Variants in TRAF6 observed in about 807,000 individuals in gnomAD.
TRAF6 encodes TNF receptor associated factor 6.
TRAF6 carries 10 observed loss-of-function variants against 48.4 expected under a neutral mutation model. The observed-to-expected ratio is 0.21, with a 90% confidence interval of 0.13 to 0.35. TRAF6 has a LOEUF of 0.35. Among genes scored for constraint, TRAF6 ranks in the 10% least tolerant of loss-of-function variants. The pLI is 1.00. For missense variants in TRAF6, 397 were observed against 661.0 expected (o/e 0.60, Z 4.38); for synonymous variants, 186 against 219.6 (o/e 0.85, Z 1.35).
In TRAF6 at chr11:36,489,657, C is replaced by A; in HGVS notation, c.*181G>T. On this transcript the variant is annotated 3_prime_UTR_variant, in exon 7 of 7. Coordinates refer to ENST00000526995, the MANE Select transcript of TRAF6 (RefSeq NM_004620.4). Reference sequence around the variant, plus strand: ...GAAAAAGCATGGAACGTGTGGATTCCCAGGAAAAAACTGCCTCAGATCATT... The same window carrying A: ...GAAAAAGCATGGAACGTGTGGATTCACAGGAAAAAACTGCCTCAGATCATT... 1 of 704,470 alleles carries A rather than the reference C, an allele frequency of 1.4e-6. No individual in the cohort carries two copies. The highest frequency in any genetic ancestry group is 2.3e-6 in the Non-Finnish European group (1 of 427,768). 43.6% of individuals were successfully genotyped at this position (704,470 alleles called of 1,614,324 possible). A position where few individuals can be genotyped will look rare whatever the true frequency, so the allele number is the denominator to read the frequency against.
At chr11:36,505,903 A>G (rs540586157) in intron 1 of TRAF6, among the ~76,000 whole-genome samples, 233 of 152,308 alleles carry the variant, frequency 1.5e-3, no homozygotes, top group South Asian at 5.8e-3. Flanking sequence ...GAGCTCTCAC[A>G]TTTATTAAGT....
At chr11:36,503,369 A>T (rs1312697636) in intron 1 of TRAF6, among the ~76,000 whole-genome samples, 1 of 148,582 alleles carries the variant, frequency 6.7e-6, no homozygotes. Flanking sequence ...ATCTCGACTC[A>T]CTGCAACCCC....
chr11:36,502,072 G>C (rs184672647), intron 1 of TRAF6, among the ~76,000 whole-genome samples: 1 of 152,288 alleles, frequency 6.6e-6, no homozygotes, highest in Admixed American at 6.5e-5. Flanking sequence ...CTCAGTGCCA[G>C]GAAAAGCAGT....
chr11:36,507,865 C>CT (rs1025594952), intron 1 of TRAF6, among the ~76,000 whole-genome samples: 28 of 140,198 alleles, frequency 2.0e-4, no homozygotes, highest in East Asian at 4.1e-4. Context: ...TATACACACA[C>CT]TTTTTTTTTT....
intron 1 of TRAF6, among the ~76,000 whole-genome samples, chr11:36,506,852 C>T (rs1859791421): frequency 6.6e-6 from 1 of 152,082 alleles, no homozygotes; most frequent in African/African-American, 2.4e-5. Context: ...TATAGTTATC[C>T]TTTAAGTCCA....
chr11:36,501,478 C>T lies in TRAF6; in HGVS notation c.38G>A (p.Ser13Asn). The change falls in exon 2 of 7, where the codon AGC (serine) becomes AAC (asparagine). Residue 13 changes from serine to asparagine, a missense_variant. Physicochemically the swap from Ser to Asn is conservative, Grantham distance 46. Transcript: ENST00000526995. The stretch of plus-strand genomic sequence containing the variant: ...CACACAGCAGTCACTTTCAGACTGG[C>T]TGGATCCACAGCTGTTTTCACAGTT... ...LLNCENSCGSSQSESDCCVAM... is the reference protein window; with the variant it reads ...LLNCENSCGSNQSESDCCVAM... The T allele has an allele frequency of 6.2e-7, 1 of 1,612,230 alleles. No individual in the cohort carries two copies. Among genetic ancestry groups the T allele is most frequent in the Non-Finnish European group, 8.5e-7 (1 of 1,178,614 alleles).
At chr11:36,497,980 T>G (rs1009922607) in intron 3 of TRAF6, among the ~76,000 whole-genome samples, 2 of 151,270 alleles carry the variant, frequency 1.3e-5, no homozygotes, top group African/African-American at 2.4e-5. Context: ...TACCTCCTGG[T>G]TTCAAGTGAT....
chr11:36,494,468 C>G (rs1464534023), intron 5 of TRAF6, among the ~76,000 whole-genome samples: 1 of 152,250 alleles, frequency 6.6e-6, no homozygotes, highest in East Asian at 1.9e-4. Context: ...AACAGAAGGG[C>G]TACAGGTCCT....
intron 1 of TRAF6, among the ~76,000 whole-genome samples, chr11:36,509,456 C>T (rs1859868774): frequency 1.3e-5 from 2 of 151,512 alleles, no homozygotes; most frequent in Non-Finnish European, 2.9e-5. Context: ...CTGCCTGAGA[C>T]TTCTATAGAG....
chr11:36,503,074 G>A (rs1450231391), intron 1 of TRAF6, among the ~76,000 whole-genome samples: 1 of 152,170 alleles, frequency 6.6e-6, no homozygotes. Flanking sequence ...CAGAACCCAC[G>A]TCTACCTGAC....
intron 2 of TRAF6, among the ~76,000 whole-genome samples, 153 bp downstream of exon 2, chr11:36,501,067 A>C (rs1859709041): frequency 6.6e-6 from 1 of 152,174 alleles, no homozygotes; most frequent in African/African-American, 2.4e-5. Flanking sequence ...CTGGGATAAG[A>C]ATCTAACTTT....
intron 3 of TRAF6, 139 bp downstream of exon 3, chr11:36,498,351 G>T: frequency 1.6e-6 from 1 of 642,256 alleles, no homozygotes; most frequent in Non-Finnish European, 2.5e-6. Context: ...TTAAAGGGTT[G>T]GCATTAATTC....
intron 1 of TRAF6, among the ~76,000 whole-genome samples, chr11:36,508,113 GA>G (rs1409547566): frequency 2.6e-5 from 4 of 151,954 alleles, no homozygotes; most frequent in Non-Finnish European, 4.4e-5. Flanking sequence ...GAAGTGCTGG[GA>G]TTACAGGCAT....
chr11:36,492,360 G>A (rs1043864036), intron 6 of TRAF6, among the ~76,000 whole-genome samples, 191 bp downstream of exon 6: 10 of 152,158 alleles, frequency 6.6e-5, no homozygotes, highest in African/African-American at 2.2e-4. Flanking sequence ...GTTTTGTCAA[G>A]TCTGTCTGAA....
At position 36,490,358 on chromosome 11, in the gene TRAF6, T is replaced by C. The variant is rs766148455; in HGVS notation, c.1049A>G (p.Asn350Ser). 4.8e-5 allele frequency: 77 copies of C among 1,614,092 alleles called. No homozygotes were observed. The highest frequency in any genetic ancestry group is 6.4e-5 in the Non-Finnish European group (76 of 1,180,050). Residue 350 changes from asparagine to serine, a missense_variant, in exon 7 of 7, where the codon AAT (asparagine) becomes AGT (serine). Coordinates refer to ENST00000526995, the MANE Select transcript of TRAF6 (RefSeq NM_004620.4). The surrounding 1 kb of genome is among the most constrained non-coding windows in gnomAD (Gnocchi z 6.4). ...KVAEIEAQQCNGIYIWKIGNF... is the reference protein window; with the variant it reads ...KVAEIEAQQCSGIYIWKIGNF... ...GCCAATCTTCCAAATATAAATTCCA[T>C]TGCACTGCTGTGCTTCGATTTCAGC...
rs1223788445 is a variant in TRAF6, at chr11:36,492,566, A to G, written c.741T>C (p.Phe247=). 5.6e-6 allele frequency: 9 copies of G among 1,608,380 alleles called. No individual in the cohort carries two copies. The highest frequency in any genetic ancestry group is 1.1e-5 in the South Asian group (1 of 89,056). Residue 247 remains phenylalanine, a synonymous_variant, in exon 6 of 7, where the codon TTT becomes TTC. Coordinates refer to ENST00000526995, the MANE Select transcript of TRAF6 (RefSeq NM_004620.4). ...TAPIPCTFST[F]GCHEKMQRNH... The stretch of plus-strand genomic sequence containing the variant: ...AAAACCTTACCTTTTCATGGCAACC[A>G]AAAGTACTGAATGTGCATGGAATTG...
intron 6 of TRAF6, among the ~76,000 whole-genome samples, chr11:36,491,326 G>C (rs1859560960): frequency 6.6e-6 from 1 of 151,970 alleles, no homozygotes; most frequent in Admixed American, 6.6e-5. Flanking sequence ...AGGTCATATA[G>C]TCTTTAAAAA....
rs187553812 is a variant in TRAF6 at position 36,503,484 on chromosome 11, T to C, written c.-22-1947A>G. 5.9e-5 allele frequency among the ~76,000 whole-genome samples: 9 copies of C among 152,252 alleles called. No homozygotes were observed. In the East Asian group the frequency reaches 9.7e-4, roughly 16 times the overall value. Reference sequence around the variant, plus strand: ...GTTTAGTAGAGACGGGGTTTTGCCATGTTGGCCAGGCTGGTCTGGAACTCC... The same window carrying C: ...GTTTAGTAGAGACGGGGTTTTGCCACGTTGGCCAGGCTGGTCTGGAACTCC... On this transcript the variant is annotated intron_variant, in intron 1 of 6. Transcript: ENST00000526995.
chr11:36,503,578 G>C (rs5030499), intron 1 of TRAF6, among the ~76,000 whole-genome samples: 1 of 152,054 alleles, frequency 6.6e-6, no homozygotes, highest in Non-Finnish European at 1.5e-5. Flanking sequence ...CCCCGAGCCC[G>C]GCTGTGGTTT....
Sources: gnomAD v4.1 joint callset for allele counts (sites outside exome capture counted in the v4.1 genomes callset) on GRCh38, gnomAD v4.1.1 for gene constraint, Gnocchi (gnomAD v3.1) non-coding constraint, MANE v1.5 for transcripts, NCBI Gene and HGNC (gene_info 2026-07-23, HGNC 2026-07-21) for gene names.